The following SLC12A8 variants were observed in gnomAD, a reference collection of about 807,000 sequenced individuals.
SLC12A8 encodes cation-chloride cotransporter 9.
Under a neutral mutation model 75.6 loss-of-function variants are expected in SLC12A8, and 69 were observed. That is an observed-to-expected ratio of 0.91 (90% CI 0.75 to 1.11). The LOEUF (loss-of-function observed/expected upper bound fraction) is 1.11, where lower values mean the gene tolerates loss of function less well. Ranked by LOEUF, SLC12A8 falls within the 50% of genes most tolerant of loss-of-function variation. The pLI is 0.00. For missense variants in SLC12A8, 877 were observed against 896.7 expected (o/e 0.98, Z 0.28); for synonymous variants, 365 against 372.8 (o/e 0.98, Z 0.24).
Position 125,199,000 on chromosome 3 carries a change from G to A in SLC12A8, c.52-8479C>T, listed in dbSNP as rs376232010. Among the ~76,000 whole-genome samples, 366 of 152,032 alleles carry A rather than the reference G, an allele frequency of 2.4e-3. 4 individuals are homozygous for A. Among genetic ancestry groups the A allele is most frequent in the Admixed American group, 0.014 (214 of 15,280 alleles). On this transcript the variant is annotated intron_variant, in intron 2 of 13. Coordinates refer to ENST00000469902, the MANE Select transcript of SLC12A8 (RefSeq NM_024628.6). Reference sequence around the variant, plus strand: ...TCACCGTGTTAGCCAGGATGGTCTCGATCTCCTGACCTCGTGATCCACCCT... The same window carrying A: ...TCACCGTGTTAGCCAGGATGGTCTCAATCTCCTGACCTCGTGATCCACCCT...
At chr3:125,152,796 A>G (rs2107772568) in intron 5 of SLC12A8, among the ~76,000 whole-genome samples, 1 of 152,346 alleles carries the variant, frequency 6.6e-6, no homozygotes, top group Non-Finnish European at 1.5e-5. Flanking sequence ...AACAAGAAGC[A>G]TGTGTTCTGA....
At chr3:125,161,680 C>CAAAA (rs36098782) in intron 5 of SLC12A8, among the ~76,000 whole-genome samples, 2 of 143,278 alleles carry the variant, frequency 1.4e-5, no homozygotes, top group African/African-American at 2.6e-5. Flanking sequence ...GTACTTTTCT[C>CAAAA]AAAAAAAAAA....
At chr3:125,190,102 C>T (rs779094913) in intron 3 of SLC12A8, among the ~76,000 whole-genome samples, 1 of 152,226 alleles carries the variant, frequency 6.6e-6, no homozygotes, top group African/African-American at 2.4e-5. Flanking sequence ...TCTGACCCAT[C>T]TCAAGTCCGG....
Position 125,088,179 on chromosome 3 carries a change from G to A in SLC12A8, c.1982+131C>T, listed in dbSNP as rs373189292. ...CGCAGGAGCAACATCTGAGTCTCCCGGAGGTGCCCAGTTGTTAGGTTCCCA... is the reference window on the plus strand; with the variant it reads ...CGCAGGAGCAACATCTGAGTCTCCCAGAGGTGCCCAGTTGTTAGGTTCCCA... On this transcript the variant is annotated intron_variant, in intron 13 of 13. Transcript: ENST00000469902. 5.4e-5 allele frequency: 43 copies of A among 795,458 alleles called. No individual in the cohort carries two copies. In the African/African-American group the frequency reaches 6.0e-4, roughly 11 times the overall value. 49.3% of individuals were successfully genotyped at this position (795,458 alleles called of 1,614,324 possible). A position where few individuals can be genotyped will look rare whatever the true frequency, so the allele number is the denominator to read the frequency against.
At chr3:125,133,433 C>T (rs765423597) in intron 6 of SLC12A8, among the ~76,000 whole-genome samples, 4 of 151,798 alleles carry the variant, frequency 2.6e-5, no homozygotes, top group Non-Finnish European at 4.4e-5. Context: ...AGTATCATGG[C>T]GTGACCAAAG....
intron 5 of SLC12A8, among the ~76,000 whole-genome samples, chr3:125,175,776 T>A (rs1441276446): frequency 6.7e-6 from 1 of 148,542 alleles, no homozygotes; most frequent in African/African-American, 2.5e-5. Context: ...AAAAAATCAC[T>A]GTTTCCTTCC....
At chr3:125,133,643 C>G (rs1933417597) in intron 6 of SLC12A8, among the ~76,000 whole-genome samples, 1 of 152,128 alleles carries the variant, frequency 6.6e-6, no homozygotes, top group Non-Finnish European at 1.5e-5. Flanking sequence ...CCAGGCTGGT[C>G]TCAAACTCCT....
At chr3:125,166,522 C>A (rs745396402) in intron 5 of SLC12A8, among the ~76,000 whole-genome samples, 6 of 152,196 alleles carry the variant, frequency 3.9e-5, no homozygotes, top group Admixed American at 6.5e-5. Context: ...CGCTGGGTGG[C>A]AGACAAGGCC....
At chr3:125,106,533 A>G (rs1323275948) in intron 10 of SLC12A8, among the ~76,000 whole-genome samples, 1 of 152,178 alleles carries the variant, frequency 6.6e-6, no homozygotes, top group African/African-American at 2.4e-5. Context: ...CCTCATGAGT[A>G]GCTGGGATTA....
At chr3:125,084,167 T>A in intron 13 of SLC12A8, 115 bp from the exon 14 acceptor site, 3 of 817,414 alleles carry the variant, frequency 3.7e-6, no homozygotes, top group Non-Finnish European at 1.9e-6. Context: ...ATTTAAATGT[T>A]TAAAACATAA....
chr3:125,159,077 T>C (rs1442757761), intron 5 of SLC12A8, among the ~76,000 whole-genome samples: 1 of 152,188 alleles, frequency 6.6e-6, no homozygotes, highest in Non-Finnish European at 1.5e-5. Flanking sequence ...GATATACGAA[T>C]ACACCTTTCT....
intron 13 of SLC12A8, among the ~76,000 whole-genome samples, chr3:125,087,760 T>C (rs1490895663): frequency 6.6e-6 from 1 of 152,188 alleles, no homozygotes; most frequent in Non-Finnish European, 1.5e-5. Context: ...ACCCTCTCTA[T>C]GAGGCTTCTA....
At chr3:125,120,925 G>A in intron 6 of SLC12A8, 1 of 688,444 alleles carries the variant, frequency 1.5e-6, no homozygotes, top group Non-Finnish European at 2.6e-6. Context: ...AGCCCTCCCA[G>A]CTCCAAAAGC....
chr3:125,177,698 C>G (rs1207131050), intron 5 of SLC12A8, 45 bp downstream of exon 5: 2 of 1,490,906 alleles, frequency 1.3e-6, no homozygotes, highest in African/African-American at 1.4e-5. Flanking sequence ...ATCTCTAAAG[C>G]AGTGAAGATC....
Position 125,158,561 on chromosome 3 carries a change from A to G in SLC12A8, c.622+19182T>C, listed in dbSNP as rs974249719. ...CTAATTATAAGTGTATCCAACTATTATAAGATCCTCTTTAGACAACTTAAG... is the reference window on the plus strand; with the variant it reads ...CTAATTATAAGTGTATCCAACTATTGTAAGATCCTCTTTAGACAACTTAAG... On this transcript the variant is annotated intron_variant, in intron 5 of 13. Coordinates refer to ENST00000469902, the MANE Select transcript of SLC12A8 (RefSeq NM_024628.6). 3.3e-5 allele frequency among the ~76,000 whole-genome samples: 5 copies of G among 152,184 alleles called. 1 individual carries two copies. Among genetic ancestry groups the G allele is most frequent in the Non-Finnish European group, 5.9e-5 (4 of 68,028 alleles).
rs182521519 is a variant in SLC12A8, at chr3:125,140,282, C to T, written c.623-4500G>A. The stretch of plus-strand genomic sequence containing the variant: ...AAGACCTTACAATGTCATACTTGTA[C>T]GATGACTAACTGAGGACACTGAGGC... On this transcript the variant is annotated intron_variant, in intron 5 of 13. Transcript: ENST00000469902. Among the ~76,000 whole-genome samples, 383 of 152,320 alleles carry T rather than the reference C, an allele frequency of 2.5e-3. 1 individual carries two copies. Among genetic ancestry groups the T allele is most frequent in the Non-Finnish European group, 4.3e-3 (293 of 68,028 alleles).
At chr3:125,158,785 G>T (rs548285443) in intron 5 of SLC12A8, among the ~76,000 whole-genome samples, 1 of 152,044 alleles carries the variant, frequency 6.6e-6, no homozygotes, top group African/African-American at 2.4e-5. Flanking sequence ...AGCCCATAAG[G>T]TAACACCTAC....
intron 3 of SLC12A8, 104 bp from the exon 4 acceptor site, chr3:125,187,532 A>AG (rs2107794443): frequency 9.8e-7 from 1 of 1,021,656 alleles, no homozygotes; most frequent in East Asian, 2.6e-5. Context: ...GCACTGGAAT[A>AG]GGGGCCAGGG....
At chr3:125,153,008 G>A (rs902430911) in intron 5 of SLC12A8, among the ~76,000 whole-genome samples, 1 of 152,116 alleles carries the variant, frequency 6.6e-6, no homozygotes, top group Non-Finnish European at 1.5e-5. Flanking sequence ...CAGGCGCTCC[G>A]TCCACCCTGC....
Sources: gnomAD v4.1 joint callset for allele counts (sites outside exome capture counted in the v4.1 genomes callset) on GRCh38, gnomAD v4.1.1 for gene constraint, MANE v1.5 for transcripts, NCBI Gene and HGNC (gene_info 2026-07-23, HGNC 2026-07-21) for gene names.